Variants in SERINC5 observed in about 807,000 individuals in gnomAD.
SERINC5 encodes serine incorporator 5.
In SERINC5, 41 loss-of-function variants were observed where a neutral mutation model predicts 63.1. The observed-to-expected ratio is 0.65, with a 90% CI of 0.51 to 0.84. The LOEUF is 0.84. SERINC5 is among the 40% of genes least tolerant of loss of function. The pLI is 0.00. For missense variants in SERINC5, 523 were observed against 573.0 expected, an observed-to-expected ratio of 0.91 and a Z score of 0.89; for synonymous variants, 222 against 215.2, an observed-to-expected ratio of 1.03 and a Z score of -0.28.
chr5:80,214,919 A>T (rs1371654692), intron 1 of SERINC5, among the ~76,000 whole-genome samples: 1 of 152,224 alleles, frequency 6.6e-6, no homozygotes, highest in African/African-American at 2.4e-5. Flanking sequence ...TAAGATGGTA[A>T]ATTTTATGTA....
chr5:80,191,854 A>C (rs976071893), intron 2 of SERINC5, among the ~76,000 whole-genome samples: 7 of 152,182 alleles, frequency 4.6e-5, no homozygotes, highest in African/African-American at 1.7e-4. Flanking sequence ...CTGCAACTTA[A>C]GCAAGAACTC....
At chr5:80,121,209 T>C (rs1463201085) in intron 11 of SERINC5, among the ~76,000 whole-genome samples, 1 of 152,182 alleles carries the variant, frequency 6.6e-6, no homozygotes, top group East Asian at 1.9e-4. Context: ...TGTTTGTTTG[T>C]CTGTTTTTCC....
rs763188087 is a variant in SERINC5 at position 80,229,184 on chromosome 5, C to G, written c.28-26131G>C. Among the ~76,000 whole-genome samples, 14 of 151,540 alleles carry G rather than the reference C, an allele frequency of 9.2e-5. No individual in the cohort carries two copies. In the South Asian group the frequency reaches 2.9e-3, roughly 32 times the overall value. ...GATTACAGGCGCATGCCACCACGCC[C>G]GGCTAATTTTTGTATTTTTAGTAGA... On this transcript the variant is annotated intron_variant, in intron 1 of 11. Transcript: ENST00000507668.
intron 5 of SERINC5, among the ~76,000 whole-genome samples, chr5:80,173,975 G>GA (rs939456879): frequency 2.7e-5 from 4 of 149,368 alleles, no homozygotes; most frequent in Admixed American, 6.7e-5. Context: ...AGCTAGAAAG[G>GA]AAAAAAAAAG....
At chr5:80,179,861 T>C (rs761625489) in intron 2 of SERINC5, among the ~76,000 whole-genome samples, 3 of 152,224 alleles carry the variant, frequency 2.0e-5, no homozygotes, top group Non-Finnish European at 4.4e-5. Context: ...AATCATACTT[T>C]CAAAGGCTGT....
chr5:80,201,101 AC>A (rs530019063), intron 2 of SERINC5, among the ~76,000 whole-genome samples: 3 of 151,384 alleles, frequency 2.0e-5, no homozygotes, highest in Non-Finnish European at 4.4e-5. Context: ...TCCATCCACC[AC>A]CCCCCCACAA....
chr5:80,198,973 T>C (rs1749667935), intron 2 of SERINC5, among the ~76,000 whole-genome samples: 1 of 152,192 alleles, frequency 6.6e-6, no homozygotes, highest in Non-Finnish European at 1.5e-5. Context: ...TGACTGTAAG[T>C]CACCCTGTGC....
chr5:80,175,009 T>G lies in SERINC5; in HGVS notation c.496A>C (p.Ile166Leu). ...YVGAVGGFLF[I>L]GIQLLLLVEF... Reference sequence around the variant, plus strand: ...ACGAGCAGGAGGAGCTGGATGCCAATGAAGAGGAAGCCTCCGACGGCTCCC... The same window carrying G: ...ACGAGCAGGAGGAGCTGGATGCCAAGGAAGAGGAAGCCTCCGACGGCTCCC... The change falls in exon 5 of 12, where the codon ATT (isoleucine) becomes CTT (leucine). Residue 166 changes from isoleucine (I) to leucine (L), a missense_variant. Transcript: ENST00000507668. 1 of 1,602,720 alleles carries G rather than the reference T, an allele frequency of 6.2e-7. No individual in the cohort carries two copies. Among genetic ancestry groups the G allele is most frequent in the East Asian group, 2.3e-5 (1 of 44,406 alleles).
chr5:80,245,644 T>C (rs1752137126), intron 1 of SERINC5, among the ~76,000 whole-genome samples: 2 of 152,016 alleles, frequency 1.3e-5, no homozygotes, highest in Admixed American at 1.3e-4. Flanking sequence ...AGACTGAGTC[T>C]CACTCTGTTG....
intron 9 of SERINC5, among the ~76,000 whole-genome samples, chr5:80,149,099 T>C (rs2112313896): frequency 6.6e-6 from 1 of 152,264 alleles, no homozygotes; most frequent in East Asian, 1.9e-4. Context: ...TCCCGCATGC[T>C]CTCCAGTTCA....
intron 2 of SERINC5, among the ~76,000 whole-genome samples, chr5:80,196,008 T>C (rs1749474070): frequency 6.6e-6 from 1 of 152,060 alleles, no homozygotes; most frequent in South Asian, 2.1e-4. Flanking sequence ...ACAAGGTAAG[T>C]GTAATATGCA....
At chr5:80,248,906 G>T (rs552301129) in intron 1 of SERINC5, among the ~76,000 whole-genome samples, 1 of 152,268 alleles carries the variant, frequency 6.6e-6, no homozygotes, top group African/African-American at 2.4e-5. Flanking sequence ...TAACAGAGAT[G>T]AAATTAGGGA....
intron 2 of SERINC5, among the ~76,000 whole-genome samples, chr5:80,192,861 C>A (rs988845602): frequency 2.0e-5 from 3 of 152,146 alleles, no homozygotes; most frequent in Admixed American, 6.5e-5. Flanking sequence ...TCCTGAGTTA[C>A]CACGTGACTC....
chr5:80,169,775 C>T (rs1050773998), intron 5 of SERINC5, among the ~76,000 whole-genome samples: 1 of 152,176 alleles, frequency 6.6e-6, no homozygotes, highest in Admixed American at 6.5e-5. Flanking sequence ...AGAATTTTCT[C>T]TCAACAATGA....
At chr5:80,148,049 T>A (rs1745932140) in intron 9 of SERINC5, among the ~76,000 whole-genome samples, 1 of 151,856 alleles carries the variant, frequency 6.6e-6, no homozygotes, top group Non-Finnish European at 1.5e-5. Flanking sequence ...GCTGGTAGGA[T>A]CTGAAATAGT....
At chr5:80,239,677 T>C (rs1751864580) in intron 1 of SERINC5, among the ~76,000 whole-genome samples, 1 of 152,046 alleles carries the variant, frequency 6.6e-6, no homozygotes, top group South Asian at 2.1e-4. Context: ...CACCTTCCAC[T>C]CCGCCTCTTT....
chr5:80,121,853 A>G (rs2112235187), intron 11 of SERINC5, among the ~76,000 whole-genome samples: 1 of 151,974 alleles, frequency 6.6e-6, no homozygotes, highest in South Asian at 2.1e-4. Context: ...TGTGAACTTA[A>G]TAGAGTGAGA....
intron 2 of SERINC5, among the ~76,000 whole-genome samples, chr5:80,196,334 G>T (rs1041197771): frequency 2.6e-5 from 4 of 151,960 alleles, no homozygotes; most frequent in Admixed American, 6.6e-5. Flanking sequence ...ACACTATAGC[G>T]ACTAAAATAA....
rs1309494467 is a variant in SERINC5 at position 80,141,116 on chromosome 5, C to T, written c.*2547G>A. 8 of 985,238 alleles carry T rather than the reference C, an allele frequency of 8.1e-6. No individual in the cohort carries two copies. In the African/African-American group the frequency reaches 1.0e-4, roughly 13 times the overall value. The allele number at this position is 985,238 out of a possible 1,614,324, so 61.0% of individuals were successfully genotyped here. On this transcript the variant is annotated 3_prime_UTR_variant, in exon 12 of 12. Transcript: ENST00000507668. ...CACAATTAATAACCATTAACATTAA[C>T]TCTGCATTGATAGTCCCTCAATCCT...
Sources: allele counts gnomAD v4.1 joint callset (sites outside exome capture counted in the v4.1 genomes callset), GRCh38; gene constraint gnomAD v4.1.1; transcripts MANE v1.5; gene names NCBI Gene and HGNC (gene_info 2026-07-23, HGNC 2026-07-21).